TENM4: variants seen among roughly 807,000 people sequenced by gnomAD.
TENM4 encodes the protein teneurin-4.
In TENM4, 82 loss-of-function variants were observed where a neutral mutation model predicts 243.3. The ratio of observed to expected loss-of-function variants is 0.34; its 90% CI spans 0.28 to 0.40. TENM4 has a LOEUF of 0.40. Among genes scored for constraint, TENM4 ranks in the 10% least tolerant of loss-of-function variants. The pLI, the probability that TENM4 is intolerant of heterozygous loss-of-function variation, is 1.00. For synonymous variants in TENM4, 1,412 were observed against 1,456.3 expected (o/e 0.97, Z 0.69); for missense variants, 3,138 against 3,673.3 (o/e 0.85, Z 3.77).
At chr11:79,336,980 C>T (rs533800907) in intron 1 of TENM4, among the ~76,000 whole-genome samples, 4 of 152,302 alleles carry the variant, frequency 2.6e-5, no homozygotes, top group African/African-American at 9.6e-5. Flanking sequence ...AATCCACATT[C>T]AAGGCACAGT....
At position 79,056,529 on chromosome 11, in the gene TENM4, G is replaced by A. The variant is rs146780574; in HGVS notation, c.493+8209C>T. On this transcript the variant is annotated intron_variant, in intron 6 of 33. Coordinates refer to ENST00000278550, the MANE Select transcript of TENM4 (RefSeq NM_001098816.3). ...ATCACAGGCAATTCCAGCCAATTTC[G>A]TGCTATGCGGAGGAGGCCCCAGGTC... Among the ~76,000 whole-genome samples, 22 of 152,098 alleles carry A rather than the reference G, an allele frequency of 1.4e-4. 1 individual carries two copies. Among genetic ancestry groups the A allele is most frequent in the East Asian group, 5.8e-4 (3 of 5,130 alleles).
chr11:79,068,391 G>A (rs1017222490), intron 5 of TENM4: 11 of 152,182 alleles, frequency 7.2e-5, no homozygotes, highest in African/African-American at 2.7e-4. Flanking sequence ...CCATAAGCTG[G>A]GAAAGGGACT....
intron 6 of TENM4, among the ~76,000 whole-genome samples, chr11:79,023,012 G>C (rs763647496): frequency 3.3e-5 from 5 of 152,140 alleles, no homozygotes; most frequent in African/African-American, 4.8e-5. Context: ...ACAACCTTAG[G>C]CATGAAAAAG....
chr11:79,286,332 C>A (rs999777628), intron 2 of TENM4, among the ~76,000 whole-genome samples: 3 of 151,872 alleles, frequency 2.0e-5, no homozygotes, highest in African/African-American at 4.8e-5. Flanking sequence ...AGTGGCTTCA[C>A]GTTTGACCTC....
intron 19 of TENM4, among the ~76,000 whole-genome samples, chr11:78,743,003 G>A (rs891225431): frequency 5.3e-5 from 8 of 152,098 alleles, no homozygotes; most frequent in African/African-American, 1.9e-4. Flanking sequence ...GCAGGCTGAA[G>A]TTTTTCCCAA....
chr11:78,695,844 G>C (rs534789913), intron 28 of TENM4, among the ~76,000 whole-genome samples: 16 of 134,136 alleles, frequency 1.2e-4, no homozygotes, highest in Admixed American at 8.2e-4. Context: ...TGAATATATG[G>C]CTAGAAATGT....
Position 79,087,628 on chromosome 11 carries a change from G to A in TENM4, c.-65-17619C>T, listed in dbSNP as rs116106441. 3.3e-3 allele frequency among the ~76,000 whole-genome samples: 497 copies of A among 152,364 alleles called. 11 individuals carry two copies. In the South Asian group the frequency reaches 0.051, roughly 15 times the overall value. ...CCTGGGCCCAGTCGCATGTTCCTTA[G>A]TGAGGGATCGAGGGATGTTAGCTCT... On this transcript the variant is annotated intron_variant, in intron 4 of 33. Transcript: ENST00000278550.
rs889426937 is a variant in TENM4 at position 79,042,534 on chromosome 11, G to GGGCA, written c.493+22200_493+22203dup. ...CAGAAAGCACCATCTGAGAAGCAGA[G>GGGCA]GGCAAGCCCTCACCAGAAACTGAAT... is the stretch of plus-strand genomic sequence containing the variant. On this transcript the variant is annotated intron_variant, in intron 6 of 33. Coordinates refer to ENST00000278550, the MANE Select transcript of TENM4 (RefSeq NM_001098816.3). Among the ~76,000 whole-genome samples the GGGCA allele has an allele frequency of 2.4e-4, 37 of 152,324 alleles. No individual in the cohort carries two copies. In the Middle Eastern group the frequency reaches 0.01, roughly 42 times the overall value.
chr11:78,949,044 C>T (rs534379214), intron 6 of TENM4, among the ~76,000 whole-genome samples: 1 of 152,138 alleles, frequency 6.6e-6, no homozygotes, highest in Non-Finnish European at 1.5e-5. Flanking sequence ...TATAAAGTAA[C>T]TCTTTTCCCT....
chr11:78,936,205 C>G (rs1259011160), intron 6 of TENM4, among the ~76,000 whole-genome samples: 1 of 152,198 alleles, frequency 6.6e-6, no homozygotes, highest in Non-Finnish European at 1.5e-5. Flanking sequence ...TGAGTCTTAT[C>G]ATTCCTTGTG....
intron 6 of TENM4, among the ~76,000 whole-genome samples, chr11:78,982,914 C>A (rs1437576831): frequency 1.3e-5 from 2 of 152,214 alleles, no homozygotes; most frequent in Non-Finnish European, 2.9e-5. Context: ...TGCTGGTCCC[C>A]TGCAAGGGTC....
intron 32 of TENM4, 117 bp from the exon 33 acceptor site, chr11:78,661,708 T>A: frequency 7.4e-7 from 1 of 1,343,864 alleles, no homozygotes; most frequent in Non-Finnish European, 1.0e-6. Flanking sequence ...GGATTGCTGC[T>A]GGTGGGAGAG....
chr11:78,900,544 T>C (rs901709217), intron 7 of TENM4, among the ~76,000 whole-genome samples: 1 of 152,208 alleles, frequency 6.6e-6, no homozygotes, highest in Non-Finnish European at 1.5e-5. Flanking sequence ...AGAAGATGTA[T>C]ATGAAAAAAA....
Position 78,812,319 on chromosome 11 carries a change from G to A in TENM4, c.1784-3C>T. On this transcript the variant is annotated splice_polypyrimidine_tract_variant and splice_region_variant and intron_variant, in intron 13 of 33. Coordinates refer to ENST00000278550, the MANE Select transcript of TENM4 (RefSeq NM_001098816.3). ...GCTACAGAGCACGGGGCAGGAGGCT[G>A]GGGAGACAGCACCGGAGTCTGGCAT... The A allele has an allele frequency of 1.9e-6, 3 of 1,550,210 alleles. No homozygotes were observed. Among genetic ancestry groups the A allele is most frequent in the Non-Finnish European group, 2.6e-6 (3 of 1,145,730 alleles).
At chr11:79,198,936 G>T (rs1863688596) in intron 3 of TENM4, among the ~76,000 whole-genome samples, 1 of 152,170 alleles carries the variant, frequency 6.6e-6, no homozygotes, top group Admixed American at 6.5e-5. Context: ...GAAGCAACAT[G>T]AATTGAAACC....
chr11:79,031,039 C>T (rs3893939), intron 6 of TENM4, among the ~76,000 whole-genome samples: 92,873 of 152,072 alleles, frequency 0.61, 30,403 homozygotes, highest in African/African-American at 0.85. Flanking sequence ...GATTATTTGA[C>T]GAAAGCCTGT....
chr11:78,708,362 T>C lies in TENM4; in HGVS notation c.4208A>G (p.Gln1403Arg). 6.2e-7 allele frequency: 1 copy of C among 1,613,978 alleles called. No homozygotes were observed. The highest frequency in any genetic ancestry group is 8.5e-7 in the Non-Finnish European group (1 of 1,179,858). ...CTTTGGTAGATGAAGCCATCTTACCTGGGAAATATCCATGACAGAATCACA... is the reference window on the plus strand; with the variant it reads ...CTTTGGTAGATGAAGCCATCTTACCCGGGAAATATCCATGACAGAATCACA... ...LSCDSVMDIS[Q>R]VHLEWPTDLA... Residue 1403 changes from glutamine to arginine, a missense_variant and splice_region_variant, in exon 27 of 34, where the codon CAG (glutamine) becomes CGG (arginine). Physicochemically the swap from Gln to Arg is conservative, Grantham distance 43. Transcript: ENST00000278550.
At chr11:79,319,676 G>A (rs1384732769) in intron 1 of TENM4, among the ~76,000 whole-genome samples, 3 of 152,002 alleles carry the variant, frequency 2.0e-5, no homozygotes, top group Non-Finnish European at 4.4e-5. Context: ...CCAGACGATA[G>A]CAAAGGGATG....
chr11:79,407,523 A>C (rs1276065483), intron 1 of TENM4, among the ~76,000 whole-genome samples: 1 of 152,238 alleles, frequency 6.6e-6, no homozygotes, highest in Non-Finnish European at 1.5e-5. Flanking sequence ...AGGCTTACAG[A>C]GGTTAAGTAA....
Sources: gnomAD v4.1 joint callset for allele counts (sites outside exome capture counted in the v4.1 genomes callset) on GRCh38, gnomAD v4.1.1 for gene constraint, MANE v1.5 for transcripts, NCBI Gene and HGNC (gene_info 2026-07-23, HGNC 2026-07-21) for gene names.